The following SPTLC3 variants were observed in gnomAD, a reference collection of about 807,000 sequenced individuals.
The protein encoded by SPTLC3 is serine palmitoyltransferase long chain base subunit 3, also known as serine palmitoyltransferase 3.
In SPTLC3, 36 loss-of-function variants were observed where a neutral mutation model predicts 59.3. The observed-to-expected ratio is 0.61, with a 90% CI of 0.47 to 0.80. The LOEUF (loss-of-function observed/expected upper bound fraction) is 0.80. Among genes scored for constraint, SPTLC3 ranks in the 30% least tolerant of loss-of-function variants. The probability of loss-of-function intolerance (pLI) is 0.00; values close to 1 mark genes in which losing one functional copy is unlikely to be tolerated. For synonymous variants in SPTLC3, 257 were observed against 240.8 expected (o/e 1.07, Z -0.62); for missense variants, 625 against 685.1 (o/e 0.91, Z 0.98).
At chr20:13,050,606 A>C (rs191464530) in intron 2 of SPTLC3, 2 of 152,280 alleles carry the variant, frequency 1.3e-5, no homozygotes, top group East Asian at 3.9e-4. Context: ...TTCATCACCA[A>C]AAGATCTTCA....
chr20:13,053,238 T>A (rs1016899903), intron 2 of SPTLC3, among the ~76,000 whole-genome samples: 5 of 152,142 alleles, frequency 3.3e-5, no homozygotes, highest in African/African-American at 1.2e-4. Flanking sequence ...CCGCTGGTGA[T>A]ACCCAGGCAA....
At chr20:13,026,834 G>A (rs567059153) in intron 1 of SPTLC3, among the ~76,000 whole-genome samples, 144 of 152,208 alleles carry the variant, frequency 9.5e-4, no homozygotes, top group African/African-American at 3.1e-3. Context: ...ACTGTTACAT[G>A]TCAGACACTG....
chr20:13,100,424 G>A (rs1345828171), intron 6 of SPTLC3, among the ~76,000 whole-genome samples: 2 of 152,178 alleles, frequency 1.3e-5, no homozygotes, highest in Admixed American at 1.3e-4. Flanking sequence ...TTTTAGTGAT[G>A]CTAAATTCAA....
At chr20:13,053,528 C>T (rs200363197) in intron 2 of SPTLC3, among the ~76,000 whole-genome samples, 38 of 152,046 alleles carry the variant, frequency 2.5e-4, no homozygotes, top group Non-Finnish European at 4.3e-4. Context: ...CAAAACTGGA[C>T]GGAGAATGAG....
chr20:13,124,042 C>T (rs187580606), intron 8 of SPTLC3, among the ~76,000 whole-genome samples: 16 of 152,354 alleles, frequency 1.1e-4, no homozygotes, highest in Non-Finnish European at 2.1e-4. Context: ...CCAAAGTGAA[C>T]TTTCCGGATA....
intron 1 of SPTLC3, among the ~76,000 whole-genome samples, chr20:13,018,449 C>T (rs528566634): frequency 4.3e-4 from 66 of 152,170 alleles, no homozygotes; most frequent in African/African-American, 1.3e-3. Context: ...GATGAGTGTC[C>T]GGCTGTAAAA....
chr20:13,052,248 C>T (rs888170503), intron 2 of SPTLC3, among the ~76,000 whole-genome samples: 1 of 152,150 alleles, frequency 6.6e-6, no homozygotes, highest in African/African-American at 2.4e-5. Flanking sequence ...TGCGGCACTG[C>T]CTCACCTGGG....
At chr20:13,038,360 T>A (rs960034316) in intron 1 of SPTLC3, among the ~76,000 whole-genome samples, 1 of 152,170 alleles carries the variant, frequency 6.6e-6, no homozygotes, top group Non-Finnish European at 1.5e-5. Flanking sequence ...TTCAATGCCT[T>A]CATTTTTACG....
chr20:13,014,328 G>A (rs989675056), intron 1 of SPTLC3, among the ~76,000 whole-genome samples: 4 of 152,224 alleles, frequency 2.6e-5, no homozygotes, highest in Admixed American at 6.5e-5. Flanking sequence ...ATGTGTATCT[G>A]ACCTAGGCTG....
intron 6 of SPTLC3, among the ~76,000 whole-genome samples, chr20:13,098,305 T>TTG (rs1201948108): frequency 2.6e-5 from 4 of 151,744 alleles, no homozygotes; most frequent in Non-Finnish European, 5.9e-5. Flanking sequence ...AGGGAAACAA[T>TTG]TGTGTGTGTG....
chr20:13,161,705 A>C (rs1167848137), intron 11 of SPTLC3, among the ~76,000 whole-genome samples: 1 of 152,236 alleles, frequency 6.6e-6, no homozygotes, highest in East Asian at 1.9e-4. Flanking sequence ...ATTAGCAATT[A>C]GTAGGAACTT....
chr20:13,069,131 A>G (rs1988343239), intron 2 of SPTLC3, among the ~76,000 whole-genome samples: 1 of 152,080 alleles, frequency 6.6e-6, no homozygotes. Flanking sequence ...CACTCCTACT[A>G]TATATAGTCT....
chr20:13,097,410 T>C (rs1275017153), intron 6 of SPTLC3, among the ~76,000 whole-genome samples: 1 of 152,128 alleles, frequency 6.6e-6, no homozygotes, highest in African/African-American at 2.4e-5. Context: ...AACATTTAGT[T>C]GCCTTCTCCA....
At chr20:13,050,513 G>A (rs1178094172) in intron 2 of SPTLC3, 1 of 152,112 alleles carries the variant, frequency 6.6e-6, no homozygotes, top group African/African-American at 2.4e-5. Flanking sequence ...AACATATTTG[G>A]GGGAATAATT....
intron 9 of SPTLC3, among the ~76,000 whole-genome samples, chr20:13,143,389 A>G (rs2038431077): frequency 6.6e-6 from 1 of 152,220 alleles, no homozygotes; most frequent in African/African-American, 2.4e-5. Flanking sequence ...TATGTCAGAC[A>G]CCCTACTAAC....
chr20:13,075,161 C>T (rs951877244), intron 4 of SPTLC3, among the ~76,000 whole-genome samples: 1 of 150,206 alleles, frequency 6.7e-6, no homozygotes, highest in African/African-American at 2.4e-5. Flanking sequence ...CCTGTGTAGG[C>T]AACACAGGTG....
chr20:13,115,649 T>G (rs113406797), intron 7 of SPTLC3, among the ~76,000 whole-genome samples: 4,945 of 152,264 alleles, frequency 0.032, 225 homozygotes, highest in African/African-American at 0.1. Context: ...GACACCCACA[T>G]GCCTCGCTCC....
chr20:13,063,478 G>A (rs1427534374), intron 2 of SPTLC3, among the ~76,000 whole-genome samples: 2 of 151,734 alleles, frequency 1.3e-5, no homozygotes, highest in Non-Finnish European at 2.9e-5. Flanking sequence ...TTTGGGAAGG[G>A]GTGTTAGTCG....
chr20:13,079,141 G>A (rs534392815), intron 4 of SPTLC3, among the ~76,000 whole-genome samples: 16 of 152,068 alleles, frequency 1.1e-4, no homozygotes, highest in East Asian at 3.9e-4. Context: ...AAAAAAAGAC[G>A]GAGATACCAT....
Sources: gnomAD v4.1 joint callset for allele counts (sites outside exome capture counted in the v4.1 genomes callset) on GRCh38, gnomAD v4.1.1 for gene constraint, MANE v1.5 for transcripts, NCBI Gene and HGNC (gene_info 2026-07-23, HGNC 2026-07-21) for gene names.